The following TEC variants were observed in gnomAD, a reference collection of about 807,000 sequenced individuals.
TEC encodes tyrosine-protein kinase Tec.
Under a neutral mutation model 93.0 loss-of-function variants are expected in TEC, and 72 were observed. That is an observed-to-expected ratio of 0.77 (90% CI 0.64 to 0.94). TEC has a LOEUF of 0.94. Among genes scored for constraint, TEC ranks in the 40% least tolerant of loss-of-function variants. The probability of loss-of-function intolerance (pLI) is 0.00; values close to 1 mark genes in which losing one functional copy is unlikely to be tolerated. For synonymous variants in TEC, 249 were observed against 247.7 expected, an observed-to-expected ratio of 1.01 and a Z score of -0.05; for missense variants, 630 against 757.9, an observed-to-expected ratio of 0.83 and a Z score of 1.98.
chr4:48,212,098 C>CAAAAAAAAAAAAAAAA (rs59441112), intron 2 of TEC, among the ~76,000 whole-genome samples: 9 of 86,536 alleles, frequency 1.0e-4, no homozygotes, highest in African/African-American at 3.2e-4. Context: ...GACTCTGTCT[C>CAAAAAAAAAAAAAAAA]AAAAAAAAAA....
At chr4:48,247,075 G>C (rs2109663912) in intron 1 of TEC, among the ~76,000 whole-genome samples, 1 of 152,168 alleles carries the variant, frequency 6.6e-6, no homozygotes, top group East Asian at 1.9e-4. Flanking sequence ...TGTTAAAATG[G>C]GTGAAGGATT....
intron 2 of TEC, among the ~76,000 whole-genome samples, chr4:48,199,558 C>T (rs1220298687): frequency 6.8e-6 from 1 of 147,460 alleles, no homozygotes; most frequent in African/African-American, 2.5e-5. Context: ...CCTCCGCCTC[C>T]CAGATTCAAG....
intron 2 of TEC, among the ~76,000 whole-genome samples, chr4:48,194,572 A>G (rs568450215): frequency 6.6e-5 from 10 of 152,312 alleles, no homozygotes; most frequent in Non-Finnish European, 8.8e-5. Context: ...TTCAATGAAT[A>G]CAGTCAGCCA....
At chr4:48,250,732 A>C (rs948551172) in intron 1 of TEC, among the ~76,000 whole-genome samples, 5 of 152,176 alleles carry the variant, frequency 3.3e-5, no homozygotes, top group African/African-American at 1.2e-4. Context: ...TGGCCCCTCA[A>C]ACATATCAGA....
At chr4:48,177,863 T>C (rs1477095786) in intron 2 of TEC, among the ~76,000 whole-genome samples, 1 of 152,206 alleles carries the variant, frequency 6.6e-6, no homozygotes, top group Admixed American at 6.5e-5. Context: ...CTTTTACTCA[T>C]TTCTGCTCGC....
At chr4:48,139,582 T>C (rs1719576028) in intron 15 of TEC, among the ~76,000 whole-genome samples, 1 of 152,192 alleles carries the variant, frequency 6.6e-6, no homozygotes, top group Non-Finnish European at 1.5e-5. Context: ...CATCCCCACA[T>C]ACATACATAC....
intron 3 of TEC, among the ~76,000 whole-genome samples, chr4:48,175,334 C>T (rs1721278900): frequency 6.6e-6 from 1 of 152,202 alleles, no homozygotes; most frequent in South Asian, 2.1e-4. Flanking sequence ...TGCAACTTTC[C>T]TTTCAGGACA....
At chr4:48,155,141 G>C (rs960132279) in intron 9 of TEC, among the ~76,000 whole-genome samples, 4 of 152,224 alleles carry the variant, frequency 2.6e-5, no homozygotes, top group African/African-American at 7.2e-5. Flanking sequence ...ATAAGACTAT[G>C]AAAGTTGGAA....
At chr4:48,253,211 G>A (rs1247537638) in intron 1 of TEC, among the ~76,000 whole-genome samples, 5 of 152,074 alleles carry the variant, frequency 3.3e-5, no homozygotes, top group African/African-American at 7.2e-5. Context: ...GCAGTAAAAC[G>A]GCTAAGTAAC....
chr4:48,266,659 G>A (rs963439917), intron 1 of TEC, among the ~76,000 whole-genome samples: 1 of 152,128 alleles, frequency 6.6e-6, no homozygotes. Context: ...TTAACATGGA[G>A]AAACCCCATC....
At chr4:48,155,042 C>A (rs980109256) in intron 9 of TEC, among the ~76,000 whole-genome samples, 1 of 152,100 alleles carries the variant, frequency 6.6e-6, no homozygotes, top group African/African-American at 2.4e-5. Context: ...CTACTGGGAA[C>A]CTAAAGCCTT....
At chr4:48,233,982 T>C (rs1029822021) in intron 1 of TEC, among the ~76,000 whole-genome samples, 48 of 152,304 alleles carry the variant, frequency 3.2e-4, no homozygotes, top group African/African-American at 1.1e-3. Context: ...CTGAAGGTTA[T>C]TTTCAGATTG....
At chr4:48,212,110 A>AAATATATATATAT in intron 2 of TEC, among the ~76,000 whole-genome samples, 14 of 122,258 alleles carry the variant, frequency 1.1e-4, no homozygotes, top group Non-Finnish European at 1.3e-4. Flanking sequence ...AAAAAAAAAA[A>AAATATATATATAT]ATATATATAT....
At chr4:48,264,391 T>C (rs1359352750) in intron 1 of TEC, among the ~76,000 whole-genome samples, 4 of 152,054 alleles carry the variant, frequency 2.6e-5, no homozygotes, top group Admixed American at 1.3e-4. Flanking sequence ...CTTCAGGGGG[T>C]CCGTACACAA....
At chr4:48,151,496 T>C (rs1402593277) in intron 9 of TEC, among the ~76,000 whole-genome samples, 2 of 152,186 alleles carry the variant, frequency 1.3e-5, no homozygotes, top group Non-Finnish European at 2.9e-5. Flanking sequence ...ATATCGGTCT[T>C]TTTTTTCTGA....
At position 48,138,681 on chromosome 4, in the gene TEC, A is replaced by G. The variant is rs1719529413; in HGVS notation, c.1796T>C (p.Leu599Pro). The change falls in exon 17 of 18, where the codon CTG becomes CCG. Residue 599 changes from leucine (L) to proline (P), a missense_variant. This residue lies in a region of TEC where 289 missense variants were observed against 390.0 expected (regional missense o/e 0.74). Transcript: ENST00000381501. ...LASNYVYEVM[L>P]RCWQEKPEGR... is the part of the protein sequence containing the mutation. ...AATCTATACCTCCTGCCAACATCTC[A>G]GCATCACCTCATACACATAGTTGGA... 1 of 1,608,588 alleles carries G rather than the reference A, an allele frequency of 6.2e-7. No homozygotes were observed. Among genetic ancestry groups the G allele is most frequent in the East Asian group, 2.2e-5 (1 of 44,860 alleles).
At chr4:48,226,112 C>G (rs1723451170) in intron 2 of TEC, among the ~76,000 whole-genome samples, 1 of 152,112 alleles carries the variant, frequency 6.6e-6, no homozygotes, top group South Asian at 2.1e-4. Flanking sequence ...TAAGCTAAAC[C>G]AAAAGGGGTA....
intron 2 of TEC, among the ~76,000 whole-genome samples, chr4:48,188,678 C>T (rs1202643818): frequency 3.9e-5 from 6 of 152,156 alleles, no homozygotes; most frequent in African/African-American, 1.4e-4. Flanking sequence ...CATTCACATA[C>T]TTATACAAGT....
chr4:48,178,427 C>T (rs1012212003), intron 2 of TEC, among the ~76,000 whole-genome samples: 12 of 151,878 alleles, frequency 7.9e-5, no homozygotes, highest in African/African-American at 2.7e-4. Context: ...GAGACACTAT[C>T]GTTGGCACTG....
Sources: gnomAD v4.1 joint callset for allele counts (sites outside exome capture counted in the v4.1 genomes callset) on GRCh38, gnomAD v4.1.1 for gene constraint, gnomAD v4.1.1 regional missense constraint, MANE v1.5 for transcripts, NCBI Gene and HGNC (gene_info 2026-07-23, HGNC 2026-07-21) for gene names.